LEMD3: variants seen among roughly 807,000 people sequenced by gnomAD.
The protein encoded by LEMD3 is inner nuclear membrane protein Man1.
In LEMD3, 33 loss-of-function variants were observed where a neutral mutation model predicts 95.2. That is an observed-to-expected ratio of 0.35 (90% CI 0.26 to 0.46). The LOEUF (loss-of-function observed/expected upper bound fraction) is 0.46, where lower values mean the gene tolerates loss of function less well. LEMD3 is among the 20% of genes least tolerant of loss of function. LEMD3 has a pLI of 1.00. For missense variants in LEMD3, 1,210 were observed against 1,192.8 expected (o/e 1.01, Z -0.21); for synonymous variants, 525 against 474.6 (o/e 1.11, Z -1.38).
chr12:65,217,658 T>G (rs550801134), intron 3 of LEMD3, among the ~76,000 whole-genome samples: 41 of 152,330 alleles, frequency 2.7e-4, no homozygotes, highest in African/African-American at 8.2e-4. Context: ...TAACCACTTA[T>G]AGTCTAAAGA....
At chr12:65,177,759 G>C (rs1402573939) in intron 1 of LEMD3, among the ~76,000 whole-genome samples, 2 of 151,566 alleles carry the variant, frequency 1.3e-5, no homozygotes. Context: ...TCTTAAAGTA[G>C]ACTAGCCAAA....
intron 1 of LEMD3, among the ~76,000 whole-genome samples, chr12:65,198,587 C>T (rs547596595): frequency 6.5e-4 from 99 of 152,128 alleles, no homozygotes; most frequent in African/African-American, 2.1e-3. Flanking sequence ...TATATTAGTG[C>T]CTCGGTATCC....
At chr12:65,221,367 T>C (rs1199939015) in intron 4 of LEMD3, among the ~76,000 whole-genome samples, 6 of 152,136 alleles carry the variant, frequency 3.9e-5, no homozygotes, top group Non-Finnish European at 8.8e-5. Flanking sequence ...TCTTCCAACT[T>C]AGCTGAATTT....
rs772538120 is a variant in LEMD3 at position 65,170,457 on chromosome 12, A to C, written c.861A>C (p.Arg287Ser). The C allele has an allele frequency of 6.2e-7, 1 of 1,613,516 alleles. No individual in the cohort carries two copies. Among genetic ancestry groups the C allele is most frequent in the Admixed American group, 1.7e-5 (1 of 59,980 alleles). Reference protein sequence around the residue: ...KDDSLSRHRPRRTHSKPLPPL... With the variant: ...KDDSLSRHRPSRTHSKPLPPL... ...ACTCCCTTTCCCGGCATCGGCCCAG[A>C]CGAACCCATAGTAAGCCTCTCCCCC... The change falls in exon 1 of 13, where the codon AGA becomes AGC. Residue 287 changes from arginine to serine, a missense_variant. Arg to Ser is a moderately radical substitution (Grantham distance 110, BLOSUM62 -1). Coordinates refer to ENST00000308330, the MANE Select transcript of LEMD3 (RefSeq NM_014319.5).
chr12:65,233,212 T>C (rs537626870), intron 4 of LEMD3, among the ~76,000 whole-genome samples: 3 of 152,304 alleles, frequency 2.0e-5, no homozygotes, highest in Non-Finnish European at 4.4e-5. Context: ...ACCAAAGTAC[T>C]TGCTCTTTTC....
At chr12:65,242,194 G>A (rs1048603890) in intron 9 of LEMD3, among the ~76,000 whole-genome samples, 3 of 152,006 alleles carry the variant, frequency 2.0e-5, no homozygotes, top group Non-Finnish European at 1.5e-5. Context: ...TTCTTCACTG[G>A]GATTTGGGGA....
chr12:65,177,041 C>T (rs1020811036), intron 1 of LEMD3, among the ~76,000 whole-genome samples: 9 of 152,168 alleles, frequency 5.9e-5, no homozygotes, highest in Admixed American at 5.2e-4. Context: ...AAGAAACATA[C>T]AGGATATTAT....
intron 1 of LEMD3, among the ~76,000 whole-genome samples, chr12:65,192,575 A>G (rs1869278227): frequency 1.3e-5 from 2 of 152,074 alleles, no homozygotes; most frequent in South Asian, 2.1e-4. Context: ...TTTCCTCCAT[A>G]CAGAGTTGTT....
intron 1 of LEMD3, chr12:65,171,359 G>T: frequency 1.8e-6 from 1 of 557,922 alleles, no homozygotes; most frequent in Non-Finnish European, 3.1e-6. Context: ...ATTTTTAAAA[G>T]AATATTATAA....
chr12:65,215,950 T>C, intron 2 of LEMD3, 27 bp from the exon 3 acceptor site: 2 of 1,086,028 alleles, frequency 1.8e-6, no homozygotes, highest in African/African-American at 1.5e-5. Flanking sequence ...TAATTGGGTA[T>C]TTCATAATAA....
At chr12:65,198,822 T>G (rs1869509525) in intron 1 of LEMD3, among the ~76,000 whole-genome samples, 1 of 152,168 alleles carries the variant, frequency 6.6e-6, no homozygotes, top group Non-Finnish European at 1.5e-5. Flanking sequence ...GTTATATTGT[T>G]AGCATTTGTT....
At position 65,218,557 on chromosome 12, in the gene LEMD3, C is replaced by G; in HGVS notation, c.1633C>G (p.His545Asp). The change falls in exon 4 of 13, where the codon CAT becomes GAT. Residue 545 changes from histidine (H) to aspartate (D), a missense_variant. By Grantham distance (81) the His-to-Asp change is moderately conservative (BLOSUM62 -1). This residue lies in a region of LEMD3 where 461 missense variants were observed against 569.8 expected (regional missense o/e 0.81). Transcript: ENST00000308330. ...TAATATGCTAATCTTTCCAGGAGAT[C>G]ATGAATGTGGCAGTTCTAGTCAAAG... ...HDRLAQLAGD[H>D]ECGSSSQRTL... 6.2e-7 allele frequency: 1 copy of G among 1,600,398 alleles called. No homozygotes were observed. The highest frequency in any genetic ancestry group is 8.5e-7 in the Non-Finnish European group (1 of 1,169,920).
intron 4 of LEMD3, among the ~76,000 whole-genome samples, chr12:65,233,053 G>A (rs74101751): frequency 0.035 from 5,282 of 152,178 alleles, 309 homozygotes; most frequent in African/African-American, 0.12. Context: ...GGTTTATAAA[G>A]TACAGTGTGG....
chr12:65,224,077 A>G (rs1167081056), intron 4 of LEMD3, among the ~76,000 whole-genome samples: 1 of 152,054 alleles, frequency 6.6e-6, no homozygotes, highest in East Asian at 1.9e-4. Context: ...TCATCAACAT[A>G]TTTTTATAAA....
At chr12:65,179,650 C>G (rs576748295) in intron 1 of LEMD3, among the ~76,000 whole-genome samples, 4 of 152,198 alleles carry the variant, frequency 2.6e-5, no homozygotes, top group African/African-American at 9.6e-5. Flanking sequence ...GGAAAAATAG[C>G]TAATGCATGC....
chr12:65,219,917 A>G (rs1329529727), intron 4 of LEMD3, among the ~76,000 whole-genome samples: 1 of 152,160 alleles, frequency 6.6e-6, no homozygotes, highest in Non-Finnish European at 1.5e-5. Context: ...ATTTCATTGT[A>G]TGTATACATA....
chr12:65,212,502 A>G (rs186195175), intron 2 of LEMD3, among the ~76,000 whole-genome samples: 1 of 143,598 alleles, frequency 7.0e-6, no homozygotes, highest in East Asian at 2.0e-4. Flanking sequence ...GTGCCACTGT[A>G]CTCCAGCCTG....
At chr12:65,225,452 C>A (rs1870418561) in intron 4 of LEMD3, among the ~76,000 whole-genome samples, 1 of 152,086 alleles carries the variant, frequency 6.6e-6, no homozygotes, top group African/African-American at 2.4e-5. Flanking sequence ...GGATTTTTGC[C>A]TGTGAATTTC....
At chr12:65,245,452 C>G in intron 10 of LEMD3, 1 of 530,708 alleles carries the variant, frequency 1.9e-6, no homozygotes, top group Non-Finnish European at 3.4e-6. Context: ...GCTCTGCACT[C>G]TTTTACTGGA....
Sources: gnomAD v4.1 joint callset for allele counts (sites outside exome capture counted in the v4.1 genomes callset) on GRCh38, gnomAD v4.1.1 for gene constraint, gnomAD v4.1.1 regional missense constraint, MANE v1.5 for transcripts, NCBI Gene and HGNC (gene_info 2026-07-23, HGNC 2026-07-21) for gene names.